FALEC: variants seen among roughly 807,000 people sequenced by gnomAD.
The protein encoded by FALEC is focally amplified lncRNA on chromosome 1.
chr1:150,531,716 C>T, the FALEC span, among the ~76,000 whole-genome samples: 1 of 152,174 alleles, frequency 6.6e-6, no homozygotes, highest in Non-Finnish European at 1.5e-5. Context: ...ATTTTGTCCT[C>T]ACTTTAGGAC....
chr1:150,533,484 G>A, the FALEC span, among the ~76,000 whole-genome samples: 1 of 137,068 alleles, frequency 7.3e-6, no homozygotes, highest in Non-Finnish European at 1.5e-5. Context: ...TGCCCAGGCT[G>A]GAGTGCAGTG....
chr1:150,520,783 C>CTTTTTTTTTTTT (rs71086518), downstream of FALEC, among the ~76,000 whole-genome samples: 130 of 42,832 alleles, frequency 3.0e-3, 9 homozygotes, highest in African/African-American at 4.8e-3. Flanking sequence ...CTTTTCTTTT[C>CTTTTTTTTTTTT]TTTTTTTTTT....
the FALEC span, among the ~76,000 whole-genome samples, chr1:150,525,487 A>G: frequency 2.0e-5 from 3 of 151,924 alleles, no homozygotes; most frequent in Non-Finnish European, 4.4e-5. Context: ...CAAAAAGCAT[A>G]CAGTTCAACT....
chr1:150,535,568 A>G, the FALEC span, among the ~76,000 whole-genome samples: 1 of 152,196 alleles, frequency 6.6e-6, no homozygotes, highest in South Asian at 2.1e-4. Context: ...TCTAAATTAA[A>G]TAGTAATACA....
the FALEC span, among the ~76,000 whole-genome samples, chr1:150,526,824 T>A: frequency 1.3e-5 from 2 of 149,820 alleles, no homozygotes; most frequent in African/African-American, 4.9e-5. Flanking sequence ...TTAGTAGAGA[T>A]GGGGTTTCAC....
the FALEC span, among the ~76,000 whole-genome samples, chr1:150,532,524 A>G: frequency 2.0e-5 from 3 of 152,184 alleles, no homozygotes; most frequent in Admixed American, 1.3e-4. Context: ...GGCCGGCAAT[A>G]GAGACATGAG....
chr1:150,535,339 G>C, the FALEC span, among the ~76,000 whole-genome samples: 1 of 152,116 alleles, frequency 6.6e-6, no homozygotes, highest in South Asian at 2.1e-4. Context: ...CGCCTCCCAG[G>C]TTCAAGCAAT....
the FALEC span, among the ~76,000 whole-genome samples, chr1:150,533,787 C>T: frequency 0.13 from 20,184 of 152,098 alleles, 1,742 homozygotes; most frequent in Non-Finnish European, 0.19. Flanking sequence ...GAGCTTTTAT[C>T]AGCCTCTCAG....
the FALEC span, among the ~76,000 whole-genome samples, chr1:150,532,773 GA>G: frequency 3.3e-3 from 469 of 140,340 alleles, 3 homozygotes; most frequent in African/African-American, 9.4e-3. Context: ...ACTGACTAAG[GA>G]AAAAAAAAAA....
chr1:150,534,968 C>G, the FALEC span, among the ~76,000 whole-genome samples: 2 of 152,184 alleles, frequency 1.3e-5, no homozygotes, highest in African/African-American at 4.8e-5. Flanking sequence ...ATCAGCCAGC[C>G]CCTCCTGGTG....
downstream of FALEC, among the ~76,000 whole-genome samples, chr1:150,521,677 C>A (rs1238731311): frequency 6.6e-6 from 1 of 152,078 alleles, no homozygotes; most frequent in African/African-American, 2.4e-5. Flanking sequence ...ATTCCAGCAC[C>A]ATGTGTTGAA....
downstream of FALEC, among the ~76,000 whole-genome samples, chr1:150,522,970 TATATATATA>T (rs1295847918): frequency 5.0e-4 from 25 of 50,170 alleles, 1 homozygote; most frequent in African/African-American, 2.4e-3. Context: ...TATATATATA[TATATATATA>T]TATATTTTTT....
chr1:150,532,383 A>T, the FALEC span, among the ~76,000 whole-genome samples: 6 of 152,146 alleles, frequency 3.9e-5, no homozygotes, highest in African/African-American at 1.4e-4. Context: ...AGACCTTTGG[A>T]CTCAGCTGAG....
downstream of FALEC, among the ~76,000 whole-genome samples, chr1:150,519,407 A>G (rs372099817): frequency 3.9e-5 from 6 of 152,230 alleles, no homozygotes; most frequent in East Asian, 7.7e-4. Flanking sequence ...GGTATATTAC[A>G]TTATTAATTT....
intron 1 of FALEC, among the ~76,000 whole-genome samples, chr1:150,517,439 G>A (rs892133171): frequency 6.6e-6 from 1 of 152,122 alleles, no homozygotes; most frequent in Non-Finnish European, 1.5e-5. Flanking sequence ...ACTAAGGTAA[G>A]TGTTACAGAC....
At chr1:150,519,927 C>T (rs1001311589), downstream of FALEC, among the ~76,000 whole-genome samples, 1 of 151,744 alleles carries the variant, frequency 6.6e-6, no homozygotes, top group Admixed American at 6.6e-5. Context: ...CCGAGGCAGA[C>T]GGATCACCTG....
chr1:150,531,813 C>T, the FALEC span, among the ~76,000 whole-genome samples: 1 of 152,246 alleles, frequency 6.6e-6, no homozygotes, highest in Non-Finnish European at 1.5e-5. Context: ...AGCTTCCCCA[C>T]ACCAACAGCC....
downstream of FALEC, among the ~76,000 whole-genome samples, chr1:150,518,375 C>T (rs944191630): frequency 2.0e-5 from 3 of 147,606 alleles, no homozygotes; most frequent in African/African-American, 7.4e-5. Flanking sequence ...AATCAGTCGC[C>T]AAGTCTCTCT....
downstream of FALEC, among the ~76,000 whole-genome samples, chr1:150,518,534 A>C (rs1017012644): frequency 6.6e-6 from 1 of 151,518 alleles, no homozygotes; most frequent in Admixed American, 6.6e-5. Flanking sequence ...ACAGTCATGC[A>C]CTACCACGCC....
Sources: allele counts gnomAD v4.1 joint callset (sites outside exome capture counted in the v4.1 genomes callset), GRCh38; gene constraint gnomAD v4.1.1; transcripts MANE v1.5; gene names NCBI Gene and HGNC (gene_info 2026-07-23, HGNC 2026-07-21).